The following TRIM21 variants were observed in gnomAD, a reference collection of about 807,000 sequenced individuals.
TRIM21 encodes E3 ubiquitin-protein ligase TRIM21.
In TRIM21, 35 loss-of-function variants were observed where a neutral mutation model predicts 36.1. The observed-to-expected ratio is 0.97, with a 90% CI of 0.74 to 1.28. The LOEUF (loss-of-function observed/expected upper bound fraction) is 1.28. TRIM21 is among the 50% of genes most tolerant of loss of function. The pLI is 0.00. For synonymous variants in TRIM21, 256 were observed against 211.5 expected, an observed-to-expected ratio of 1.21 and a Z score of -1.83; for missense variants, 635 against 570.7, an observed-to-expected ratio of 1.11 and a Z score of -1.15.
intron 4 of TRIM21, 136 bp downstream of exon 4, chr11:4,388,164 T>C (rs2094958539): frequency 5.1e-6 from 4 of 779,794 alleles, no homozygotes; most frequent in Non-Finnish European, 8.0e-6. Flanking sequence ...CGCGAACCTT[T>C]CATGGGTTTG....
chr11:4,385,063 G>T lies in TRIM21; in HGVS notation c.*222C>A, dbSNP rs1259160316. 3 of 524,428 alleles carry T rather than the reference G, an allele frequency of 5.7e-6. No homozygotes were observed. The African/African-American group carries it at 5.8e-5, about 10-fold the overall frequency. The allele number at this position is 524,428 out of a possible 1,614,324, so 32.5% of individuals were successfully genotyped here. ...ACATGTTTTTGGTTGATCAAGATGA[G>T]TTTGGGCCAAATATAAGGAGGCTGC... On this transcript the variant is annotated 3_prime_UTR_variant, in exon 7 of 7. Coordinates refer to ENST00000254436, the MANE Select transcript of TRIM21 (RefSeq NM_003141.4).
chr11:4,385,900 T>G, intron 6 of TRIM21, 47 bp from the exon 7 acceptor site: 3 of 1,472,916 alleles, frequency 2.0e-6, no homozygotes, highest in Non-Finnish European at 2.8e-6. Flanking sequence ...GGGAGTTCAC[T>G]AAGTCTGTGC....
chr11:4,390,197 G>C lies in TRIM21; in HGVS notation c.213C>G (p.Asn71Lys), dbSNP rs2094961442. 3 of 1,613,906 alleles carry C rather than the reference G, an allele frequency of 1.9e-6. No individual in the cohort carries two copies. ...KNLRPNRQLA[N>K]MVNNLKEISQ... ...TGATTTCTTTAAGGTTGTTCACCATGTTGGCTAGCTGTCGATTGGGCCGGA... is the reference window on the plus strand; with the variant it reads ...TGATTTCTTTAAGGTTGTTCACCATCTTGGCTAGCTGTCGATTGGGCCGGA... Residue 71 changes from asparagine to lysine, a missense_variant, in exon 2 of 7, where the codon AAC becomes AAG. Asn to Lys is a moderately conservative substitution (Grantham distance 94). Coordinates refer to ENST00000254436, the MANE Select transcript of TRIM21 (RefSeq NM_003141.4).
At chr11:4,389,211 G>T (rs2094959910) in intron 3 of TRIM21, among the ~76,000 whole-genome samples, 1 of 152,158 alleles carries the variant, frequency 6.6e-6, no homozygotes. Context: ...TTTTGGACCA[G>T]AGATCTGGTC....
rs185380055 is a variant in TRIM21 at position 4,390,508 on chromosome 11, G to C, written c.-49-50C>G. ...AGAGAATATGAGAAAGTCTGTGTAA[G>C]AAAAACAAAAAGTCAACATAATCCC... On this transcript the variant is annotated intron_variant, in intron 1 of 6. Coordinates refer to ENST00000254436, the MANE Select transcript of TRIM21 (RefSeq NM_003141.4). The C allele has an allele frequency of 5.0e-5, 65 of 1,299,644 alleles. No individual in the cohort carries two copies. In the East Asian group the frequency reaches 8.1e-4, roughly 16 times the overall value. 80.5% of individuals were successfully genotyped at this position (1,299,644 alleles called of 1,614,324 possible).
Position 4,389,677 on chromosome 11 carries a change from C to T in TRIM21, c.481G>A (p.Ala161Thr), listed in dbSNP as rs765432246. 6.2e-7 allele frequency: 1 copy of T among 1,613,934 alleles called. No individual in the cohort carries two copies. The highest frequency in any genetic ancestry group is 1.1e-5 in the South Asian group (1 of 91,086). ...ELAEKLEVEI[A>T]IKRADWKKTV... ...ACCTTCCAGTCTGCTCTCTTTATTG[C>T]AATTTCCACTTCCAACTTCTCAGCC... is the stretch of plus-strand genomic sequence containing the variant. Residue 161 changes from alanine to threonine, a missense_variant, in exon 3 of 7, where the codon GCA (alanine) becomes ACA (threonine). Physicochemically the swap from Ala to Thr is moderately conservative, Grantham distance 58. Coordinates refer to ENST00000254436, the MANE Select transcript of TRIM21 (RefSeq NM_003141.4).
intron 5 of TRIM21, 200 bp from the exon 6 acceptor site, chr11:4,386,457 G>A: frequency 1.6e-6 from 1 of 630,594 alleles, no homozygotes; most frequent in Non-Finnish European, 2.8e-6. Flanking sequence ...GGTTATAGGA[G>A]GCTCTGCAGC....
In TRIM21 at chr11:4,388,522, C is replaced by T. The variant is rs755138059; in HGVS notation, c.513G>A (p.Val171=). The T allele has an allele frequency of 7.5e-6, 12 of 1,608,018 alleles. No individual in the cohort carries two copies. The highest frequency in any genetic ancestry group is 1.0e-5 in the Non-Finnish European group (12 of 1,179,828). ...AIKRADWKKT[V]ETQKSRIHAE... is the part of the protein sequence containing the mutation. The stretch of plus-strand genomic sequence containing the variant: ...CGTGAATCCTAGATTTCTGTGTTTC[C>T]ACTGTTTTCTTTAGTGTCAAGGGAA... The change falls in exon 4 of 7, where the codon GTG becomes GTA. Residue 171 remains valine, a synonymous_variant. Transcript: ENST00000254436.
chr11:4,389,955 C>T (rs1379576579), intron 2 of TRIM21, 47 bp downstream of exon 2: 2 of 1,597,194 alleles, frequency 1.3e-6, no homozygotes, highest in Admixed American at 1.7e-5. Flanking sequence ...CTCTCCCATT[C>T]CCTGCTCTGA....
At chr11:4,387,095 C>T in intron 4 of TRIM21, 105 bp from the exon 5 acceptor site, 3 of 1,117,084 alleles carry the variant, frequency 2.7e-6, no homozygotes, top group South Asian at 2.8e-5. Flanking sequence ...GGGCACTGTT[C>T]CTCTCCTTCC....
chr11:4,389,226 T>C (rs1388156916), intron 3 of TRIM21, among the ~76,000 whole-genome samples: 2 of 152,208 alleles, frequency 1.3e-5, no homozygotes, highest in Non-Finnish European at 2.9e-5. Context: ...CTGGTCATGG[T>C]CAAGTAACCA....
rs1344330019 is a variant in TRIM21 at position 4,385,614 on chromosome 11, C to T, written c.1099G>A (p.Gly367Arg). 6.2e-7 allele frequency: 1 copy of T among 1,612,804 alleles called. No individual in the cohort carries two copies. Among genetic ancestry groups the T allele is most frequent in the East Asian group, 2.2e-5 (1 of 44,828 alleles). ...GVCRDSVRRK[G>R]HFLLSSKSGF... is the part of the protein sequence containing the mutation. ...CTCTTGGAACTAAGCAAAAAGTGCC[C>T]CTTCCTGCGCACAGAGTCTCTGCAG... The change falls in exon 7 of 7, where the codon GGG becomes AGG. Residue 367 changes from glycine to arginine, a missense_variant. Physicochemically the swap from Gly to Arg is moderately radical, Grantham distance 125. Transcript: ENST00000254436.
chr11:4,389,631 C>T, intron 3 of TRIM21, 23 bp downstream of exon 3: 3 of 1,604,364 alleles, frequency 1.9e-6, no homozygotes, highest in Non-Finnish European at 2.6e-6. Flanking sequence ...AGCCTAAGAT[C>T]TCCTTCAGGA....
Position 4,388,319 on chromosome 11 carries a change from G to C in TRIM21, c.716C>G (p.Ser239Ter). 6.2e-7 allele frequency: 1 copy of C among 1,613,654 alleles called. No homozygotes were observed. The highest frequency in any genetic ancestry group is 8.5e-7 in the Non-Finnish European group (1 of 1,179,650). Residue 239 changes from serine to a stop codon, truncating the protein, a stop_gained, in exon 4 of 7, where the codon TCA (serine) becomes TGA (stop). Coordinates refer to ENST00000254436, the MANE Select transcript of TRIM21 (RefSeq NM_003141.4). LOFTEE classifies it high-confidence loss of function. ...ISELDRRCHSSALELLQEVII... is the reference protein window; with the variant it reads ...ISELDRRCHS ...TCTCACCTGCAGCAGTTCCAGTGCT[G>C]AGCTGTGGCACCTTCGATCTAGCTC...
At chr11:4,388,182 C>T (rs534418627) in intron 4 of TRIM21, 118 bp downstream of exon 4, 2 of 900,676 alleles carry the variant, frequency 2.2e-6, no homozygotes, top group African/African-American at 3.4e-5. Context: ...TTGAATTCTA[C>T]TTCATTTAAG....
Position 4,389,878 on chromosome 11 carries a change from C to G in TRIM21, c.408+124G>C, listed in dbSNP as rs539693417. ...AGGTTGGGTTTAACTTATAATTCTCCTCCTACATTAGACATGGAGAGAGGT... is the reference window on the plus strand; with the variant it reads ...AGGTTGGGTTTAACTTATAATTCTCGTCCTACATTAGACATGGAGAGAGGT... On this transcript the variant is annotated intron_variant, in intron 2 of 6. Transcript: ENST00000254436. 13 of 1,499,840 alleles carry G rather than the reference C, an allele frequency of 8.7e-6. No individual in the cohort carries two copies. The South Asian group carries it at 1.5e-4, about 17-fold the overall frequency. 92.9% of individuals were successfully genotyped at this position (1,499,840 alleles called of 1,614,324 possible).
At chr11:4,387,633 A>T (rs1256674907) in intron 4 of TRIM21, among the ~76,000 whole-genome samples, 2 of 152,150 alleles carry the variant, frequency 1.3e-5, no homozygotes, top group Non-Finnish European at 2.9e-5. Flanking sequence ...AGGGGGGCAG[A>T]TCACCTACGG....
chr11:4,387,251 G>GT (rs10700793), intron 4 of TRIM21, among the ~76,000 whole-genome samples: 41,950 of 131,292 alleles, frequency 0.32, 6,114 homozygotes, highest in East Asian at 0.54. Context: ...TCAAAGACCA[G>GT]TTTTTTTTTT....
chr11:4,389,442 C>G (rs2094960096), intron 3 of TRIM21, among the ~76,000 whole-genome samples: 1 of 152,212 alleles, frequency 6.6e-6, no homozygotes, highest in Non-Finnish European at 1.5e-5. Context: ...GATTCTTGAT[C>G]TTCAGGCCTG....
Sources: allele counts gnomAD v4.1 joint callset (sites outside exome capture counted in the v4.1 genomes callset), GRCh38; gene constraint gnomAD v4.1.1; transcripts MANE v1.5; gene names NCBI Gene and HGNC (gene_info 2026-07-23, HGNC 2026-07-21).